ERC2: variants seen among roughly 807,000 people sequenced by gnomAD.
ERC2 encodes the protein ERC protein 2.
A neutral mutation model predicts 114.8 loss-of-function variants in ERC2; 42 were observed. That is an observed-to-expected ratio of 0.37 (90% CI 0.29 to 0.47). The LOEUF (loss-of-function observed/expected upper bound fraction) is 0.47, where lower values mean the gene tolerates loss of function less well. Ranked by LOEUF, ERC2 falls within the 20% of genes least tolerant of loss-of-function variation. The pLI, the probability that ERC2 is intolerant of heterozygous loss-of-function variation, is 0.99. For missense variants in ERC2, 939 were observed against 1,150.7 expected (o/e 0.82, Z 2.66); for synonymous variants, 454 against 425.5 (o/e 1.07, Z -0.82).
rs34578755 is a variant in ERC2 at position 56,245,510 on chromosome 3, TTGTGTGTG to T, written c.1074+50501_1074+50508del. 4.9e-3 allele frequency among the ~76,000 whole-genome samples: 737 copies of T among 149,326 alleles called. 3 individuals carry two copies. Among genetic ancestry groups the T allele is most frequent in the African/African-American group, 0.017 (708 of 40,756 alleles). On this transcript the variant is annotated intron_variant, in intron 3 of 17. Transcript: ENST00000288221. ...TATGTATGTGTGTGTGTGTGGTATG[TTGTGTGTG>T]TGTGTGTGTGTGTGTGTTAATAGAT...
chr3:55,979,166 T>G (rs1263094307), intron 12 of ERC2, among the ~76,000 whole-genome samples: 4 of 152,222 alleles, frequency 2.6e-5, no homozygotes, highest in Non-Finnish European at 2.9e-5. Flanking sequence ...GACATATGAT[T>G]AAATAGCAGA....
intron 2 of ERC2, among the ~76,000 whole-genome samples, chr3:56,332,868 C>T (rs184468470): frequency 1.7e-4 from 26 of 152,164 alleles, no homozygotes; most frequent in Non-Finnish European, 2.8e-4. Context: ...CTGAGAGACA[C>T]TTTTCAATGG....
At chr3:55,670,986 T>C (rs1390936955) in intron 17 of ERC2, among the ~76,000 whole-genome samples, 1 of 152,052 alleles carries the variant, frequency 6.6e-6, no homozygotes, top group African/African-American at 2.4e-5. Context: ...GGTTATGGAG[T>C]TGCAGCCAAG....
intron 17 of ERC2, among the ~76,000 whole-genome samples, chr3:55,673,596 T>C (rs1281679486): frequency 6.7e-6 from 1 of 149,776 alleles, no homozygotes; most frequent in African/African-American, 2.5e-5. Context: ...AAATAAAAAA[T>C]AAAAAAAAAG....
chr3:55,826,740 G>C (rs935266570), intron 14 of ERC2, among the ~76,000 whole-genome samples: 23 of 152,082 alleles, frequency 1.5e-4, no homozygotes, highest in African/African-American at 5.3e-4. Flanking sequence ...TATTCATTCG[G>C]TAGAAAGTCT....
At chr3:55,854,816 C>T (rs1014842056) in intron 14 of ERC2, among the ~76,000 whole-genome samples, 3 of 151,822 alleles carry the variant, frequency 2.0e-5, no homozygotes, top group Non-Finnish European at 4.4e-5. Context: ...ATTCGCATTC[C>T]TATGGGCCTG....
intron 15 of ERC2, among the ~76,000 whole-genome samples, chr3:55,712,238 G>A (rs1347135822): frequency 6.6e-6 from 1 of 152,156 alleles, no homozygotes; most frequent in Non-Finnish European, 1.5e-5. Context: ...ATTTCAGGAA[G>A]AGAAGAGCAT....
chr3:55,675,069 G>A (rs958011854), intron 17 of ERC2, among the ~76,000 whole-genome samples: 1 of 152,132 alleles, frequency 6.6e-6, no homozygotes, highest in African/African-American at 2.4e-5. Flanking sequence ...CAGAGGGATG[G>A]GGGCCTGACA....
At chr3:56,100,387 C>G (rs906945609) in intron 6 of ERC2, among the ~76,000 whole-genome samples, 1 of 152,068 alleles carries the variant, frequency 6.6e-6, no homozygotes, top group African/African-American at 2.4e-5. Flanking sequence ...AAGCAAGAAC[C>G]AAGCACCCCA....
chr3:55,950,580 C>G lies in ERC2; in HGVS notation c.2268-20G>C, dbSNP rs1182821093. ...ATATGCCTGAGAAAAGTCAGCACAG[C>G]TTGGTTAAATTCTACCACTGGAAGA... is the stretch of plus-strand genomic sequence containing the variant. On this transcript the variant is annotated intron_variant, in intron 12 of 17. Transcript: ENST00000288221. The G allele has an allele frequency of 1.2e-6, 2 of 1,613,654 alleles. No individual in the cohort carries two copies. The highest frequency in any genetic ancestry group is 1.7e-6 in the Non-Finnish European group (2 of 1,179,766).
chr3:56,172,498 C>T (rs1431384990), intron 4 of ERC2, among the ~76,000 whole-genome samples: 1 of 152,120 alleles, frequency 6.6e-6, no homozygotes, highest in Admixed American at 6.5e-5. Context: ...AAATCATATG[C>T]TGCAAGAAGG....
chr3:55,768,173 A>G (rs2067950789), intron 14 of ERC2, among the ~76,000 whole-genome samples: 2 of 152,244 alleles, frequency 1.3e-5, no homozygotes, highest in South Asian at 4.1e-4. Flanking sequence ...CCATGAGCCA[A>G]TTAAACCTCT....
At chr3:56,200,938 C>G (rs955106605) in intron 3 of ERC2, among the ~76,000 whole-genome samples, 7 of 152,192 alleles carry the variant, frequency 4.6e-5, no homozygotes, top group African/African-American at 1.7e-4. Context: ...TCATGGGAAG[C>G]AGCTTTTGTT....
intron 14 of ERC2, among the ~76,000 whole-genome samples, chr3:55,749,074 G>A (rs1408370932): frequency 1.3e-5 from 2 of 152,156 alleles, no homozygotes; most frequent in African/African-American, 4.8e-5. Flanking sequence ...ACCACTAGAG[G>A]TAATTAACCC....
At chr3:56,460,201 G>T (rs148145831) in intron 1 of ERC2, among the ~76,000 whole-genome samples, 1 of 152,252 alleles carries the variant, frequency 6.6e-6, no homozygotes, top group African/African-American at 2.4e-5. Context: ...AAGTGAGACA[G>T]CTTAGAGCTC....
intron 7 of ERC2, among the ~76,000 whole-genome samples, chr3:56,042,416 TTC>T (rs1266908808): frequency 6.6e-6 from 1 of 151,954 alleles, no homozygotes; most frequent in African/African-American, 2.4e-5. Flanking sequence ...ACATAGGAGG[TTC>T]TCAGTAAATA....
chr3:56,190,062 A>G (rs1044831123), intron 3 of ERC2, among the ~76,000 whole-genome samples: 5 of 152,234 alleles, frequency 3.3e-5, no homozygotes, highest in African/African-American at 1.2e-4. Context: ...GTATGAGGCT[A>G]AGCGACAAAA....
chr3:55,593,703 T>A (rs921238655), intron 17 of ERC2, among the ~76,000 whole-genome samples: 2 of 152,172 alleles, frequency 1.3e-5, no homozygotes, highest in Non-Finnish European at 2.9e-5. Context: ...GAATTCCTCC[T>A]TATACTTCTC....
At chr3:55,563,558 G>T (rs2107490872) in intron 17 of ERC2, among the ~76,000 whole-genome samples, 1 of 152,308 alleles carries the variant, frequency 6.6e-6, no homozygotes, top group South Asian at 2.1e-4. Context: ...TCTTCCATGA[G>T]ATCTGATAAG....
Sources: allele counts gnomAD v4.1 joint callset (sites outside exome capture counted in the v4.1 genomes callset), GRCh38; gene constraint gnomAD v4.1.1; transcripts MANE v1.5; gene names NCBI Gene and HGNC (gene_info 2026-07-23, HGNC 2026-07-21).